RXFP2: variants seen among roughly 807,000 people sequenced by gnomAD.
The protein encoded by RXFP2 is relaxin receptor 2.
Under a neutral mutation model 88.6 loss-of-function variants are expected in RXFP2, and 68 were observed. The ratio of observed to expected loss-of-function variants is 0.77; its 90% CI spans 0.63 to 0.94. The LOEUF is 0.94. Among genes scored for constraint, RXFP2 ranks in the 40% least tolerant of loss-of-function variants. The pLI, the probability that RXFP2 is intolerant of heterozygous loss-of-function variation, is 0.00. For synonymous variants in RXFP2, 329 were observed against 306.8 expected, an observed-to-expected ratio of 1.07 and a Z score of -0.76; for missense variants, 791 against 893.9, an observed-to-expected ratio of 0.88 and a Z score of 1.47.
chr13:31,744,305 T>C lies in RXFP2; in HGVS notation c.94+4599T>C, dbSNP rs114276983. ...CTTTGCCTACAAAATCTGGTCAGAA[T>C]TGGCCAGGAGCTATTTAGATTCTTT... is the stretch of plus-strand genomic sequence containing the variant. On this transcript the variant is annotated intron_variant, in intron 1 of 17. Coordinates refer to ENST00000298386, the MANE Select transcript of RXFP2 (RefSeq NM_130806.5). Among the ~76,000 whole-genome samples, 964 of 152,362 alleles carry C rather than the reference T, an allele frequency of 6.3e-3. 2 individuals carry two copies. The highest frequency in any genetic ancestry group is 0.017 in the African/African-American group (716 of 41,586).
At position 31,792,759 on chromosome 13, in the gene RXFP2, C is replaced by A. The variant is rs1406052861; in HGVS notation, c.1457C>A (p.Ala486Asp). The A allele has an allele frequency of 3.7e-6, 6 of 1,613,960 alleles. No individual in the cohort carries two copies. The highest frequency in any genetic ancestry group is 1.7e-5 in the Admixed American group (1 of 59,990). Residue 486 changes from alanine (A) to aspartate (D), a missense_variant, in exon 16 of 18, where the codon GCC becomes GAC. Coordinates refer to ENST00000298386, the MANE Select transcript of RXFP2 (RefSeq NM_130806.5). Reference protein sequence around the residue: ...IKYRGQYQKYALLWMESVQCR... With the variant: ...IKYRGQYQKYDLLWMESVQCR... ...TACCGAGGGCAGTATCAGAAGTATG[C>A]CTTGCTGTGGATGGAGAGCGTGCAG...
intron 1 of RXFP2, among the ~76,000 whole-genome samples, chr13:31,746,428 T>A (rs1379990713): frequency 1.3e-5 from 2 of 152,260 alleles, no homozygotes; most frequent in African/African-American, 4.8e-5. Flanking sequence ...TAGCTGAATC[T>A]ACATTGTCTA....
chr13:31,759,409 G>GAAAGA (rs1157278271), intron 2 of RXFP2, among the ~76,000 whole-genome samples: 2 of 149,772 alleles, frequency 1.3e-5, no homozygotes, highest in Non-Finnish European at 3.0e-5. Context: ...AAGAAAGAAA[G>GAAAGA]AAAGAAAGAA....
At chr13:31,793,826 T>C (rs917536509) in intron 16 of RXFP2, among the ~76,000 whole-genome samples, 21 of 152,216 alleles carry the variant, frequency 1.4e-4, no homozygotes, top group African/African-American at 5.1e-4. Flanking sequence ...CAAGCTCTTC[T>C]GTCCTTTCTT....
chr13:31,794,887 G>A (rs1330709515), intron 16 of RXFP2, among the ~76,000 whole-genome samples: 2 of 150,088 alleles, frequency 1.3e-5, no homozygotes, highest in African/African-American at 2.5e-5. Flanking sequence ...CAAAGAGATC[G>A]TCACACACAC....
chr13:31,765,146 A>C lies in RXFP2; in HGVS notation c.425+4A>C. On this transcript the variant is annotated splice_donor_region_variant and intron_variant, in intron 4 of 17. Coordinates refer to ENST00000298386, the MANE Select transcript of RXFP2 (RefSeq NM_130806.5). ...TTTCTAACAATGTGACATTACTGTG[A>C]GTAAAACTTAATTATTGGTGATATC... 1 of 1,527,400 alleles carries C rather than the reference A, an allele frequency of 6.5e-7. No homozygotes were observed. The highest frequency in any genetic ancestry group is 9.1e-7 in the Non-Finnish European group (1 of 1,101,452). The allele number at this position is 1,527,400 out of a possible 1,614,324, so 94.6% of individuals were successfully genotyped here. A position where few individuals can be genotyped will look rare whatever the true frequency, so the allele number is the denominator to read the frequency against.
At chr13:31,753,504 T>C (rs1361749396) in intron 1 of RXFP2, among the ~76,000 whole-genome samples, 7 of 152,158 alleles carry the variant, frequency 4.6e-5, no homozygotes, top group African/African-American at 1.7e-4. Context: ...TCAGCACTGC[T>C]ACCATGCGGG....
chr13:31,754,382 A>C (rs1871828995), intron 1 of RXFP2, among the ~76,000 whole-genome samples: 1 of 152,092 alleles, frequency 6.6e-6, no homozygotes, highest in Non-Finnish European at 1.5e-5. Flanking sequence ...TATACAAAAA[A>C]TAGCCGGGCG....
chr13:31,786,363 G>C lies in RXFP2; in HGVS notation c.930-20G>C. 1 of 1,550,476 alleles carries C rather than the reference G, an allele frequency of 6.4e-7. No homozygotes were observed. Among genetic ancestry groups the C allele is most frequent in the Admixed American group, 1.7e-5 (1 of 59,938 alleles). ...TTTACTTCCAAAGTAATTGCTTTGG[G>C]TTTTCATTGTCGTCAACAGGGATCT... On this transcript the variant is annotated intron_variant, in intron 11 of 17. Coordinates refer to ENST00000298386, the MANE Select transcript of RXFP2 (RefSeq NM_130806.5).
chr13:31,785,898 A>C (rs1298896515), intron 11 of RXFP2, among the ~76,000 whole-genome samples: 1 of 152,216 alleles, frequency 6.6e-6, no homozygotes, highest in African/African-American at 2.4e-5. Flanking sequence ...AACATATTAA[A>C]AGCGTGTGAA....
intron 13 of RXFP2, among the ~76,000 whole-genome samples, chr13:31,787,679 G>C (rs958789643): frequency 6.6e-6 from 1 of 151,228 alleles, no homozygotes; most frequent in Non-Finnish European, 1.5e-5. Context: ...TCGCCCTGTC[G>C]CCCAGGCTAG....
At chr13:31,795,451 A>C (rs1593472743) in intron 16 of RXFP2, among the ~76,000 whole-genome samples, 1 of 152,278 alleles carries the variant, frequency 6.6e-6, no homozygotes, top group South Asian at 2.1e-4. Context: ...CACCCAGCCT[A>C]GAACATACAC....
intron 1 of RXFP2, among the ~76,000 whole-genome samples, chr13:31,753,129 A>G (rs901133290): frequency 7.9e-5 from 12 of 152,184 alleles, no homozygotes; most frequent in African/African-American, 2.9e-4. Flanking sequence ...TCTGGCTGAG[A>G]GGATACAGGC....
In RXFP2 at chr13:31,765,026, TG is replaced by T. The variant is rs771083826; in HGVS notation, c.320-10del. The T allele has an allele frequency of 5.6e-6, 8 of 1,425,544 alleles. No individual in the cohort carries two copies. The highest frequency in any genetic ancestry group is 7.9e-6 in the Non-Finnish European group (8 of 1,008,746). 88.3% of individuals were successfully genotyped at this position (1,425,544 alleles called of 1,614,324 possible). A position where few individuals can be genotyped will look rare whatever the true frequency, so the allele number is the denominator to read the frequency against. On this transcript the variant is annotated splice_polypyrimidine_tract_variant and intron_variant, in intron 3 of 17. Coordinates refer to ENST00000298386, the MANE Select transcript of RXFP2 (RefSeq NM_130806.5). Reference sequence around the variant, plus strand: ...TTTACTAGTGAAATCTTACTCTTTTTGTCCCATTAGTTCTAAAACAGTATCC... The same window carrying T: ...TTTACTAGTGAAATCTTACTCTTTTTTCCCATTAGTTCTAAAACAGTATCC...
intron 17 of RXFP2, among the ~76,000 whole-genome samples, chr13:31,797,894 G>A (rs1331086620): frequency 6.6e-6 from 1 of 152,150 alleles, no homozygotes; most frequent in Admixed American, 6.5e-5. Flanking sequence ...TTTCCTGAAA[G>A]AGTCTCCTCC....
intron 1 of RXFP2, among the ~76,000 whole-genome samples, chr13:31,743,473 TAA>T (rs34035221): frequency 1.6e-4 from 24 of 148,364 alleles, no homozygotes; most frequent in Non-Finnish European, 2.4e-4. Flanking sequence ...GTCTCAAAAT[TAA>T]AAAAAAAAAA....
Position 31,739,639 on chromosome 13 carries a change from T to A in RXFP2, c.27T>A (p.His9Gln), listed in dbSNP as rs1388898757. 3 of 1,607,096 alleles carry A rather than the reference T, an allele frequency of 1.9e-6. No homozygotes were observed. Among genetic ancestry groups the A allele is most frequent in the Admixed American group, 3.3e-5 (2 of 59,992 alleles). The change falls in exon 1 of 18, where the codon CAT becomes CAA. Residue 9 changes from histidine to glutamine, a missense_variant. Transcript: ENST00000298386. MIVFLVFK[H>Q]LFSLRLITMF... ...TGATTGTTTTTCTGGTTTTTAAACA[T>A]CTCTTCAGCCTCAGATTGATTACAA... is the stretch of plus-strand genomic sequence containing the variant.
intron 14 of RXFP2, among the ~76,000 whole-genome samples, chr13:31,791,196 A>C (rs756772887): frequency 1.3e-5 from 2 of 152,196 alleles, no homozygotes; most frequent in Non-Finnish European, 2.9e-5. Flanking sequence ...GACCACAAAC[A>C]AACTTATTTT....
chr13:31,800,937 C>T (rs1178810701), intron 17 of RXFP2, among the ~76,000 whole-genome samples: 1 of 149,282 alleles, frequency 6.7e-6, no homozygotes, highest in Non-Finnish European at 1.5e-5. Context: ...AAAATAAGGA[C>T]AAGGAAGAGA....
Sources: allele counts gnomAD v4.1 joint callset (sites outside exome capture counted in the v4.1 genomes callset), GRCh38; gene constraint gnomAD v4.1.1; transcripts MANE v1.5; gene names NCBI Gene and HGNC (gene_info 2026-07-23, HGNC 2026-07-21).